Variants in UBE2E2 observed in about 807,000 individuals in gnomAD.
UBE2E2 encodes the protein ubiquitin conjugating enzyme E2 E2.
In UBE2E2, 6 loss-of-function variants were observed where a neutral mutation model predicts 24.7. That is an observed-to-expected ratio of 0.24 (90% CI 0.13 to 0.48). UBE2E2 has a LOEUF of 0.48. UBE2E2 is among the 20% of genes least tolerant of loss of function. The pLI is 0.99. For missense variants in UBE2E2, 169 were observed against 245.0 expected (o/e 0.69, Z 2.07); for synonymous variants, 104 against 83.6 (o/e 1.24, Z -1.33).
intron 5 of UBE2E2, among the ~76,000 whole-genome samples, chr3:23,551,076 G>A (rs1695632424): frequency 1.3e-5 from 2 of 152,156 alleles, no homozygotes; most frequent in Admixed American, 6.6e-5. Flanking sequence ...CTCCCTGTTA[G>A]AGTAAAATGC....
chr3:23,457,047 TC>T (rs1265725978), intron 3 of UBE2E2, among the ~76,000 whole-genome samples: 1 of 152,202 alleles, frequency 6.6e-6, no homozygotes, highest in East Asian at 1.9e-4. Flanking sequence ...TGAGGATAGT[TC>T]CCAAAGCAAA....
At chr3:23,290,313 C>T (rs1196140785) in intron 3 of UBE2E2, among the ~76,000 whole-genome samples, 1 of 152,162 alleles carries the variant, frequency 6.6e-6, no homozygotes, top group Non-Finnish European at 1.5e-5. Context: ...GGGTCCAAGG[C>T]TTGCCCTCTC....
chr3:23,448,536 A>G (rs1379187328), intron 3 of UBE2E2, among the ~76,000 whole-genome samples: 1 of 152,196 alleles, frequency 6.6e-6, no homozygotes, highest in African/African-American at 2.4e-5. Context: ...TGGGAATGAT[A>G]TTAGTTCCTG....
intron 3 of UBE2E2, among the ~76,000 whole-genome samples, chr3:23,257,193 T>C (rs563612292): frequency 6.6e-6 from 1 of 152,288 alleles, no homozygotes; most frequent in African/African-American, 2.4e-5. Context: ...AAACCTGAAC[T>C]GTAATGGTTT....
At chr3:23,434,706 C>CAGTT (rs1425500283) in intron 3 of UBE2E2, among the ~76,000 whole-genome samples, 5 of 152,116 alleles carry the variant, frequency 3.3e-5, no homozygotes, top group Middle Eastern at 3.4e-3. Flanking sequence ...GTTCAGGAAA[C>CAGTT]AGTTGGATTG....
At chr3:23,360,883 A>T (rs1047947930) in intron 3 of UBE2E2, among the ~76,000 whole-genome samples, 4 of 151,338 alleles carry the variant, frequency 2.6e-5, no homozygotes, top group African/African-American at 9.7e-5. Context: ...AGAAATAATC[A>T]GCAGAGTAAA....
intron 3 of UBE2E2, among the ~76,000 whole-genome samples, chr3:23,391,036 T>C (rs1429719538): frequency 6.6e-6 from 1 of 152,378 alleles, no homozygotes; most frequent in South Asian, 2.1e-4. Flanking sequence ...TATGAAATGC[T>C]ATTTGTTTTA....
intron 5 of UBE2E2, among the ~76,000 whole-genome samples, chr3:23,576,890 G>C (rs1281911752): frequency 6.6e-6 from 1 of 151,656 alleles, no homozygotes; most frequent in Non-Finnish European, 1.5e-5. Context: ...GTTTGACAGT[G>C]CTTTTGTGTT....
intron 5 of UBE2E2, among the ~76,000 whole-genome samples, chr3:23,558,876 C>A (rs1695852838): frequency 6.6e-6 from 1 of 152,148 alleles, no homozygotes; most frequent in Non-Finnish European, 1.5e-5. Flanking sequence ...ACCTGGGCAA[C>A]ATAGCAAGAC....
intron 5 of UBE2E2, among the ~76,000 whole-genome samples, chr3:23,568,709 ATG>A (rs1275982731): frequency 2.1e-5 from 3 of 140,196 alleles, no homozygotes; most frequent in African/African-American, 8.1e-5. Context: ...ATATATATAC[ATG>A]TATATACACA....
chr3:23,522,322 G>A (rs1408058838), intron 4 of UBE2E2, among the ~76,000 whole-genome samples: 3 of 152,078 alleles, frequency 2.0e-5, no homozygotes, highest in Non-Finnish European at 4.4e-5. Context: ...AGTAGAGACA[G>A]GGTTTCACCA....
chr3:23,504,958 G>T (rs1267333699), intron 4 of UBE2E2, among the ~76,000 whole-genome samples: 6 of 131,816 alleles, frequency 4.6e-5, no homozygotes, highest in Non-Finnish European at 9.3e-5. Context: ...GCCCAGGCTG[G>T]AGTGCAGTGA....
chr3:23,256,363 G>A (rs1163655250), intron 3 of UBE2E2, among the ~76,000 whole-genome samples: 6 of 152,056 alleles, frequency 3.9e-5, no homozygotes, highest in African/African-American at 1.4e-4. Context: ...TGAATACTTG[G>A]GAATTTATAG....
chr3:23,382,042 A>T (rs1332236105), intron 3 of UBE2E2, among the ~76,000 whole-genome samples: 1 of 152,166 alleles, frequency 6.6e-6, no homozygotes, highest in African/African-American at 2.4e-5. Context: ...CCACTTTTTA[A>T]AACAGTTGTT....
At chr3:23,286,028 C>CT (rs1032126936) in intron 3 of UBE2E2, among the ~76,000 whole-genome samples, 7 of 152,016 alleles carry the variant, frequency 4.6e-5, no homozygotes, top group South Asian at 4.2e-4. Flanking sequence ...GATGATTAAG[C>CT]TTTTTTTTAT....
chr3:23,251,998 A>G (rs71317820), intron 3 of UBE2E2, among the ~76,000 whole-genome samples: 9,905 of 152,302 alleles, frequency 0.065, 482 homozygotes, highest in Non-Finnish European at 0.09. Flanking sequence ...CAGGTACTCC[A>G]CATAAATGTG....
chr3:23,585,329 C>A (rs1289079626), intron 5 of UBE2E2, among the ~76,000 whole-genome samples: 3 of 150,156 alleles, frequency 2.0e-5, no homozygotes, highest in African/African-American at 7.4e-5. Flanking sequence ...TATGATCCCA[C>A]CACTGCACTC....
chr3:23,356,813 G>A (rs901031672), intron 3 of UBE2E2, among the ~76,000 whole-genome samples: 1 of 152,160 alleles, frequency 6.6e-6, no homozygotes, highest in Non-Finnish European at 1.5e-5. Flanking sequence ...ATTTAACACA[G>A]GTCTCCAACC....
chr3:23,418,583 C>T (rs776729761), intron 3 of UBE2E2, among the ~76,000 whole-genome samples: 60 of 152,198 alleles, frequency 3.9e-4, no homozygotes, highest in Admixed American at 7.9e-4. Flanking sequence ...CCTCCGGTTA[C>T]ATTATTCTTG....
Sources: gnomAD v4.1 joint callset for allele counts (sites outside exome capture counted in the v4.1 genomes callset) on GRCh38, gnomAD v4.1.1 for gene constraint, MANE v1.5 for transcripts, NCBI Gene and HGNC (gene_info 2026-07-23, HGNC 2026-07-21) for gene names.